NLGN1: variants seen among roughly 807,000 people sequenced by gnomAD.
NLGN1 encodes neuroligin-1.
A neutral mutation model predicts 65.5 loss-of-function variants in NLGN1; 12 were observed. The observed-to-expected ratio is 0.18, with a 90% confidence interval of 0.12 to 0.30. The LOEUF is 0.30. Among genes scored for constraint, NLGN1 ranks in the 10% least tolerant of loss-of-function variants. The probability of loss-of-function intolerance (pLI) is 1.00; values close to 1 mark genes in which losing one functional copy is unlikely to be tolerated. For synonymous variants in NLGN1, 350 were observed against 359.5 expected (o/e 0.97, Z 0.30); for missense variants, 750 against 1,007.1 (o/e 0.74, Z 3.46).
chr3:173,852,237 T>TC (rs1418382170), intron 4 of NLGN1, among the ~76,000 whole-genome samples: 2 of 150,248 alleles, frequency 1.3e-5, no homozygotes, highest in Non-Finnish European at 3.0e-5. Flanking sequence ...GCGCCTGTAG[T>TC]CCCAGCTACT....
At chr3:173,563,264 A>G (rs1042441537) in intron 2 of NLGN1, among the ~76,000 whole-genome samples, 1 of 152,262 alleles carries the variant, frequency 6.6e-6, no homozygotes, top group Non-Finnish European at 1.5e-5. Flanking sequence ...GTATTTTTAC[A>G]TAAAAATTTA....
Position 173,525,580 on chromosome 3 carries a change from T to A in NLGN1, c.-320-78699T>A, listed in dbSNP as rs114042183. ...TTTCATTGATCTTTTATATCTTTTT[T>A]AATTTTCAGTCTCATTTAATTGTGC... On this transcript the variant is annotated intron_variant, in intron 2 of 6. Coordinates refer to ENST00000457714, the Ensembl canonical transcript of NLGN1. Among the ~76,000 whole-genome samples, 1,231 of 152,178 alleles carry A rather than the reference T, an allele frequency of 8.1e-3. 18 individuals carry two copies. The highest frequency in any genetic ancestry group is 0.029 in the African/African-American group (1,185 of 41,556).
chr3:173,766,546 G>A (rs1444911347), intron 3 of NLGN1, among the ~76,000 whole-genome samples: 2 of 152,134 alleles, frequency 1.3e-5, no homozygotes, highest in African/African-American at 4.8e-5. Context: ...TATTAGGTAT[G>A]TGCTTGTCAT....
chr3:174,094,584 C>G (rs754308310), intron 4 of NLGN1, among the ~76,000 whole-genome samples: 11 of 151,772 alleles, frequency 7.2e-5, no homozygotes, highest in Non-Finnish European at 1.2e-4. Flanking sequence ...ACTACAAAGC[C>G]TATTCTTTCT....
At chr3:174,056,573 G>T (rs1736135846) in intron 4 of NLGN1, among the ~76,000 whole-genome samples, 1 of 151,956 alleles carries the variant, frequency 6.6e-6, no homozygotes, top group East Asian at 1.9e-4. Context: ...AGAATCCAAA[G>T]TTTGTATCAT....
At chr3:174,272,712 G>T (rs200268635) in intron 4 of NLGN1, among the ~76,000 whole-genome samples, 34 of 141,900 alleles carry the variant, frequency 2.4e-4, no homozygotes, top group East Asian at 1.6e-3. Context: ...GATAGATATA[G>T]ATAGATAGAA....
intron 3 of NLGN1, among the ~76,000 whole-genome samples, chr3:173,703,122 A>G (rs901435693): frequency 6.6e-5 from 10 of 151,960 alleles, no homozygotes; most frequent in Admixed American, 4.6e-4. Flanking sequence ...AATAACTTCA[A>G]CCTTGGTCTT....
chr3:173,675,887 T>TCTCTCTCACACACACACA (rs756157881), intron 3 of NLGN1, among the ~76,000 whole-genome samples: 2 of 138,578 alleles, frequency 1.4e-5, no homozygotes, highest in African/African-American at 5.6e-5. Flanking sequence ...TCTCTCTCTC[T>TCTCTCTCACACACACACA]CACACACACA....
chr3:173,787,875 T>C (rs1711560524), intron 3 of NLGN1, among the ~76,000 whole-genome samples: 1 of 152,220 alleles, frequency 6.6e-6, no homozygotes, highest in Admixed American at 6.5e-5. Flanking sequence ...CTTCTTGCAG[T>C]GTTGGTGAAC....
chr3:173,663,551 A>G (rs1053480502), intron 3 of NLGN1, among the ~76,000 whole-genome samples: 1 of 152,046 alleles, frequency 6.6e-6, no homozygotes, highest in Non-Finnish European at 1.5e-5. Flanking sequence ...GTGCCAAAAT[A>G]ATAAATAGCA....
At chr3:173,584,087 A>G (rs946752970) in intron 2 of NLGN1, among the ~76,000 whole-genome samples, 6 of 151,178 alleles carry the variant, frequency 4.0e-5, no homozygotes, top group African/African-American at 1.5e-4. Flanking sequence ...AAAAAAAAAT[A>G]GAATCCAGAG....
At chr3:173,685,782 T>C in intron 3 of NLGN1, 4 of 985,410 alleles carry the variant, frequency 4.1e-6, no homozygotes, top group Non-Finnish European at 3.6e-6. Flanking sequence ...GTATGTGCTG[T>C]GTCAAAAAGG....
At chr3:173,577,844 GTAGA>G (rs1029282797) in intron 2 of NLGN1, among the ~76,000 whole-genome samples, 7 of 152,154 alleles carry the variant, frequency 4.6e-5, no homozygotes, top group African/African-American at 1.7e-4. Context: ...AGATTAATGT[GTAGA>G]TAGATAGGTG....
At chr3:174,051,463 T>A (rs1417021780) in intron 4 of NLGN1, among the ~76,000 whole-genome samples, 1 of 152,062 alleles carries the variant, frequency 6.6e-6, no homozygotes, top group Non-Finnish European at 1.5e-5. Flanking sequence ...GTGAACTGGC[T>A]TTGCTGTAGC....
chr3:173,870,733 T>G (rs1349860955), intron 4 of NLGN1, among the ~76,000 whole-genome samples: 1 of 152,218 alleles, frequency 6.6e-6, no homozygotes, highest in African/African-American at 2.4e-5. Flanking sequence ...TGGTGCTTAA[T>G]ACATGCAGAG....
At chr3:174,289,107 A>T (rs1050440527), downstream of NLGN1, among the ~76,000 whole-genome samples, 18 of 151,526 alleles carry the variant, frequency 1.2e-4, no homozygotes, top group Admixed American at 2.0e-4. Flanking sequence ...ACCATGCAGA[A>T]TCAGGTTGAG....
intron 3 of NLGN1, among the ~76,000 whole-genome samples, chr3:173,660,359 T>C (rs1760750856): frequency 1.1e-5 from 1 of 92,252 alleles, no homozygotes; most frequent in Non-Finnish European, 2.3e-5. Flanking sequence ...CATCTCCTTA[T>C]TTTATTTTTT....
chr3:173,565,593 T>A (rs143991032), intron 2 of NLGN1, among the ~76,000 whole-genome samples: 4 of 152,242 alleles, frequency 2.6e-5, no homozygotes, highest in African/African-American at 9.6e-5. Context: ...TCCCCAGAGA[T>A]GTAGGTTTAT....
chr3:173,877,229 TATG>T (rs1191875584), intron 4 of NLGN1, among the ~76,000 whole-genome samples: 1 of 152,146 alleles, frequency 6.6e-6, no homozygotes, highest in Non-Finnish European at 1.5e-5. Flanking sequence ...TACCTTCTCA[TATG>T]ATACACAGAA....
Sources: gnomAD v4.1 joint callset for allele counts (sites outside exome capture counted in the v4.1 genomes callset) on GRCh38, gnomAD v4.1.1 for gene constraint, MANE v1.5 for transcripts, NCBI Gene and HGNC (gene_info 2026-07-23, HGNC 2026-07-21) for gene names.